Variants in MCFD2 observed in about 807,000 individuals in gnomAD.
The protein encoded by MCFD2 is multiple coagulation factor deficiency 2, ER cargo receptor complex subunit.
A neutral mutation model predicts 12.8 loss-of-function variants in MCFD2; 11 were observed. The observed-to-expected ratio is 0.86, with a 90% CI of 0.54 to 1.42. The LOEUF (loss-of-function observed/expected upper bound fraction) is 1.42. Ranked by LOEUF, MCFD2 falls within the 40% of genes most tolerant of loss-of-function variation. The pLI is 0.00. For synonymous variants in MCFD2, 70 were observed against 68.1 expected (o/e 1.03, Z -0.14); for missense variants, 191 against 178.6 (o/e 1.07, Z -0.40).
At chr2:46,928,673 G>C (rs1669531999) in intron 1 of MCFD2, among the ~76,000 whole-genome samples, 1 of 152,036 alleles carries the variant, frequency 6.6e-6, no homozygotes, top group Non-Finnish European at 1.5e-5. Context: ...GGGAGACTGA[G>C]GTTGGAGGAT....
Position 46,922,300 on chromosome 2 carries a change from G to A in MCFD2, c.-7-14331C>T, listed in dbSNP as rs116006165. ...CTCATGGTTGATTATTTCCTTGAGC[G>A]TTTTTATAATTTTTGATGACGAGTT... On this transcript the variant is annotated intron_variant, in intron 1 of 2. Transcript: ENST00000409147. Among the ~76,000 whole-genome samples, 790 of 152,256 alleles carry A rather than the reference G, an allele frequency of 5.2e-3. 6 individuals are homozygous for A. The highest frequency in any genetic ancestry group is 0.017 in the African/African-American group (718 of 41,548).
At chr2:46,930,112 T>A (rs116592476) in intron 1 of MCFD2, among the ~76,000 whole-genome samples, 267 of 152,324 alleles carry the variant, frequency 1.8e-3, no homozygotes, top group African/African-American at 5.5e-3. Context: ...CCTACTGTTA[T>A]TTAAGTACAG....
chr2:46,915,484 GGGAA>G (rs1479610220), intron 1 of MCFD2, among the ~76,000 whole-genome samples: 5 of 152,174 alleles, frequency 3.3e-5, no homozygotes, highest in Admixed American at 2.0e-4. Flanking sequence ...CTAGGGACCA[GGGAA>G]GGGGGCGGAG....
At chr2:46,931,481 A>T (rs188947806) in intron 1 of MCFD2, among the ~76,000 whole-genome samples, 14 of 152,322 alleles carry the variant, frequency 9.2e-5, no homozygotes, top group African/African-American at 3.4e-4. Context: ...CCATGAGCCC[A>T]ATATAATCAC....
Position 46,941,837 on chromosome 2 carries a change from C to A in MCFD2, c.-273G>T. ...CCGACAGCGGGCGCCTGCCAGCCCA[C>A]CGTGCTAGTCTTAAGAGCAGCCAGG... is the stretch of plus-strand genomic sequence containing the variant. On this transcript the variant is annotated 5_prime_UTR_variant, in exon 1 of 3. Coordinates refer to the MCFD2 transcript ENST00000409147. This position sits in a 1 kb window ranked among gnomAD's most constrained non-coding sequence, Gnocchi z 4.2. The A allele has an allele frequency of 7.3e-7, 1 of 1,370,830 alleles. No homozygotes were observed. Among genetic ancestry groups the A allele is most frequent in the Non-Finnish European group, 1.0e-6 (1 of 1,000,558 alleles). The allele number at this position is 1,370,830 out of a possible 1,614,324, so 84.9% of individuals were successfully genotyped here. A position where few individuals can be genotyped will look rare whatever the true frequency, so the allele number is the denominator to read the frequency against.
chr2:46,914,245 T>A (rs144244820), intron 1 of MCFD2: 2 of 152,414 alleles, frequency 1.3e-5, no homozygotes, highest in Non-Finnish European at 2.9e-5. Context: ...TCATCAGTCC[T>A]ATCAGCACTA....
chr2:46,921,067 G>C (rs1669078811), intron 1 of MCFD2, among the ~76,000 whole-genome samples: 1 of 151,800 alleles, frequency 6.6e-6, no homozygotes, highest in Non-Finnish European at 1.5e-5. Flanking sequence ...AATATTCTTA[G>C]AGTGAAAGAC....
chr2:46,939,375 G>A (rs1372536317), intron 1 of MCFD2, among the ~76,000 whole-genome samples: 2 of 152,182 alleles, frequency 1.3e-5, no homozygotes, highest in Non-Finnish European at 1.5e-5. Flanking sequence ...TTGGTCATCA[G>A]AGGGCTGGGG....
intron 1 of MCFD2, among the ~76,000 whole-genome samples, chr2:46,925,072 T>C (rs184354349): frequency 2.3e-3 from 346 of 152,380 alleles, no homozygotes; most frequent in Admixed American, 4.0e-3. Flanking sequence ...TTCAGTATTT[T>C]TCTGTAATAC....
chr2:46,908,983 T>C lies in MCFD2; in HGVS notation c.149+40A>G, dbSNP rs1668363730. Reference sequence around the variant, plus strand: ...TTGCCGCTGGCTCAGCTGCAGATGATGGGGAGGCCACTGGACCACAGCCCG... The same window carrying C: ...TTGCCGCTGGCTCAGCTGCAGATGACGGGGAGGCCACTGGACCACAGCCCG... On this transcript the variant is annotated intron_variant, in intron 2 of 3. Transcript: ENST00000319466. The surrounding 1 kb of genome is among the most constrained non-coding windows in gnomAD (Gnocchi z 4.5). 1.2e-6 allele frequency: 2 copies of C among 1,613,742 alleles called. No individual in the cohort carries two copies. The highest frequency in any genetic ancestry group is 1.7e-6 in the Non-Finnish European group (2 of 1,179,792).
chr2:46,911,095 C>A (rs1314091488), intron 1 of MCFD2, among the ~76,000 whole-genome samples: 1 of 152,150 alleles, frequency 6.6e-6, no homozygotes, highest in Non-Finnish European at 1.5e-5. Context: ...TAAACAGTGA[C>A]ATCAAAATGC....
At chr2:46,906,413 C>T (rs1668236872) in intron 3 of MCFD2, among the ~76,000 whole-genome samples, 3 of 151,110 alleles carry the variant, frequency 2.0e-5, no homozygotes, top group Admixed American at 1.3e-4. Flanking sequence ...CTTTGCCTTG[C>T]TTCCTCTCTA....
In MCFD2 at chr2:46,940,566, T is replaced by G; in HGVS notation, c.-8+1006A>C. ...ACAGTCTTAGACCAGCATGAAGAAA[T>G]AAATAAATACCAAGGTGGTGAAACA... On this transcript the variant is annotated intron_variant, in intron 1 of 2. Coordinates refer to the MCFD2 transcript ENST00000409147. This position sits in a 1 kb window ranked among gnomAD's most constrained non-coding sequence, Gnocchi z 4.7. Among the ~76,000 whole-genome samples the G allele has an allele frequency of 6.6e-6, 1 of 152,098 alleles. No homozygotes were observed. The highest frequency in any genetic ancestry group is 1.9e-4 in the East Asian group (1 of 5,180).
chr2:46,923,736 C>CTT (rs113000969), intron 1 of MCFD2, among the ~76,000 whole-genome samples: 1 of 145,780 alleles, frequency 6.9e-6, no homozygotes, highest in African/African-American at 2.5e-5. Flanking sequence ...TATAGAAAAA[C>CTT]TTTTTTTTTT....
At chr2:46,926,458 G>A (rs570677261) in intron 1 of MCFD2, among the ~76,000 whole-genome samples, 7 of 152,164 alleles carry the variant, frequency 4.6e-5, no homozygotes, top group Non-Finnish European at 5.9e-5. Flanking sequence ...TTAAGCCTAT[G>A]GTGAGGATAG....
rs1670427241 is a variant in MCFD2, at chr2:46,941,818, G to C, written c.-254C>G. On this transcript the variant is annotated 5_prime_UTR_variant, in exon 1 of 3. Coordinates refer to the MCFD2 transcript ENST00000409147. This position sits in a 1 kb window ranked among gnomAD's most constrained non-coding sequence, Gnocchi z 4.2. ...GCGCCCAGACAGTCCTCGGCCGACA[G>C]CGGGCGCCTGCCAGCCCACCGTGCT... 5 of 1,481,608 alleles carry C rather than the reference G, an allele frequency of 3.4e-6. No homozygotes were observed. The highest frequency in any genetic ancestry group is 3.7e-6 in the Non-Finnish European group (4 of 1,095,796). The allele number at this position is 1,481,608 out of a possible 1,614,324, so 91.8% of individuals were successfully genotyped here. A position where few individuals can be genotyped will look rare whatever the true frequency, so the allele number is the denominator to read the frequency against.
rs1668326346 is a variant in MCFD2 at position 46,908,179 on chromosome 2, A to T, written c.150-210T>A. 1 of 613,724 alleles carries T rather than the reference A, an allele frequency of 1.6e-6. No individual in the cohort carries two copies. The highest frequency in any genetic ancestry group is 2.9e-6 in the Non-Finnish European group (1 of 345,244). 38.0% of individuals were successfully genotyped at this position (613,724 alleles called of 1,614,324 possible). A position where few individuals can be genotyped will look rare whatever the true frequency, so the allele number is the denominator to read the frequency against. Reference sequence around the variant, plus strand: ...CAAATAGACCATCTGTTATGCTGGCAGGATTAGGGTATTCTTTCCTCTTTA... The same window carrying T: ...CAAATAGACCATCTGTTATGCTGGCTGGATTAGGGTATTCTTTCCTCTTTA... On this transcript the variant is annotated intron_variant, in intron 2 of 3. Coordinates refer to ENST00000319466, the MANE Select transcript of MCFD2 (RefSeq NM_139279.6). The surrounding 1 kb of genome is among the most constrained non-coding windows in gnomAD (Gnocchi z 4.5).
At chr2:46,910,003 C>T (rs757558734) in intron 1 of MCFD2, among the ~76,000 whole-genome samples, 19 of 152,108 alleles carry the variant, frequency 1.2e-4, no homozygotes, top group Admixed American at 8.5e-4. Context: ...AGTGGTAAGG[C>T]GGGTCAGATC....
intron 1 of MCFD2, among the ~76,000 whole-genome samples, chr2:46,911,452 T>C (rs1444938265): frequency 5.4e-5 from 8 of 149,138 alleles, no homozygotes; most frequent in African/African-American, 1.7e-4. Flanking sequence ...ATATCTGTAG[T>C]TTAAAAAAAA....
Sources: allele counts gnomAD v4.1 joint callset (sites outside exome capture counted in the v4.1 genomes callset), GRCh38; gene constraint gnomAD v4.1.1; non-coding constraint Gnocchi (gnomAD v3.1); transcripts MANE v1.5; gene names NCBI Gene and HGNC (gene_info 2026-07-23, HGNC 2026-07-21).